The following RFPL4A variants were observed in gnomAD, a reference collection of about 807,000 sequenced individuals.
RFPL4A encodes ret finger protein-like 4A.
In RFPL4A, 4 loss-of-function variants were observed where a neutral mutation model predicts 8.3. The ratio of observed to expected loss-of-function variants is 0.48; its 90% CI spans 0.24 to 1.10. The LOEUF is 1.10. Among genes scored for constraint, RFPL4A ranks in the 50% least tolerant of loss-of-function variants. The pLI, the probability that RFPL4A is intolerant of heterozygous loss-of-function variation, is 0.18. For synonymous variants in RFPL4A, 43 were observed against 136.6 expected (o/e 0.31, Z 4.78); for missense variants, 111 against 358.7 (o/e 0.31, Z 5.58).
intron 2 of RFPL4A, among the ~76,000 whole-genome samples, chr19:55,762,306 A>T (rs1242066895): frequency 1.3e-5 from 2 of 150,698 alleles, no homozygotes; most frequent in Admixed American, 1.3e-4. Context: ...TCTTTCTTGT[A>T]TCATATGTGC....
At chr19:55,759,449 G>T (rs1404741604) in intron 1 of RFPL4A, among the ~76,000 whole-genome samples, 4 of 151,612 alleles carry the variant, frequency 2.6e-5, no homozygotes, top group Admixed American at 2.6e-4. Context: ...CGGTGGCTGC[G>T]TTACTCAACG....
intron 1 of RFPL4A, among the ~76,000 whole-genome samples, chr19:55,759,786 C>G (rs1341483810): frequency 6.6e-6 from 1 of 151,336 alleles, no homozygotes; most frequent in Non-Finnish European, 1.5e-5. Flanking sequence ...AACTCAGATT[C>G]CACATAACTG....
At position 55,763,162 on chromosome 19, in the gene RFPL4A, C is replaced by T. The variant is rs777066968; in HGVS notation, c.851C>T (p.Ser284Phe). Residue 284 changes from serine to phenylalanine, a missense_variant, in exon 3 of 3, where the codon TCT becomes TTT. Transcript: ENST00000434937. ...TCCGCTGCCAGTGCCCCAGTTTCTT[C>T]TGAGGGAAAGTAAATAAACATTTGA... Reference protein sequence around the residue: ...NPSAASAPVSSEGK With the variant: ...NPSAASAPVSFEGK The T allele has an allele frequency of 1.2e-5, 18 of 1,536,152 alleles. No homozygotes were observed. The South Asian group carries it at 2.0e-4, about 17-fold the overall frequency.
intron 1 of RFPL4A, among the ~76,000 whole-genome samples, chr19:55,759,676 G>A (rs1989243328): frequency 6.6e-6 from 1 of 151,594 alleles, no homozygotes; most frequent in Non-Finnish European, 1.5e-5. Context: ...CCTCTTCCAG[G>A]ATGGGGATTC....
intron 1 of RFPL4A, among the ~76,000 whole-genome samples, chr19:55,759,424 T>C (rs1351333004): frequency 3.3e-5 from 5 of 151,974 alleles, no homozygotes; most frequent in African/African-American, 1.2e-4. Context: ...CTTTCTGAAA[T>C]GATGGACAGA....
chr19:55,762,124 G>A, intron 2 of RFPL4A, 38 bp downstream of exon 2: 1 of 1,534,452 alleles, frequency 6.5e-7, no homozygotes, highest in Non-Finnish European at 8.8e-7. Context: ...CCCATAAAAG[G>A]CACTGGGAAA....
upstream of RFPL4A, among the ~76,000 whole-genome samples, chr19:55,757,479 G>C (rs961574099): frequency 1.3e-5 from 2 of 152,092 alleles, no homozygotes; most frequent in Non-Finnish European, 2.9e-5. Flanking sequence ...CTGCAGGGAC[G>C]GGGCATGGAG....
At position 55,763,202 on chromosome 19, in the gene RFPL4A, A is replaced by G. The variant is rs1330280495; in HGVS notation, c.*27A>G. 3 of 1,507,766 alleles carry G rather than the reference A, an allele frequency of 2.0e-6. No homozygotes were observed. The highest frequency in any genetic ancestry group is 2.4e-5 in the South Asian group (2 of 83,184). The allele number at this position is 1,507,766 out of a possible 1,614,324, so 93.4% of individuals were successfully genotyped here. On this transcript the variant is annotated 3_prime_UTR_variant, in exon 3 of 3. Transcript: ENST00000434937. Reference sequence around the variant, plus strand: ...TAAACATTTGAACATAATCATCTTTAGGAAGTTTCAGTGCTCCCATAGCCA... The same window carrying G: ...TAAACATTTGAACATAATCATCTTTGGGAAGTTTCAGTGCTCCCATAGCCA...
chr19:55,762,888 G>A lies in RFPL4A; in HGVS notation c.577G>A (p.Glu193Lys). The change falls in exon 3 of 3, where the codon GAA becomes AAA. Residue 193 changes from glutamate (E) to lysine (K), a missense_variant. Physicochemically the swap from Glu to Lys is moderately conservative, Grantham distance 56. Coordinates refer to ENST00000434937, the MANE Select transcript of RFPL4A (RefSeq NM_001145014.2). ...CGGCTTCTTGACTGTGGGTTGCAGA[G>A]AAGGAAAGGTCTTTGCTGCCAGCAC... The part of the protein sequence containing the change: ...EHGFLTVGCR[E>K]GKVFAASTVP... The A allele has an allele frequency of 1.3e-6, 2 of 1,543,948 alleles. No homozygotes were observed. Among genetic ancestry groups the A allele is most frequent in the East Asian group, 2.4e-5 (1 of 40,856 alleles).
intron 2 of RFPL4A, 38 bp downstream of exon 2, chr19:55,762,124 G>T: frequency 6.5e-7 from 1 of 1,534,452 alleles, no homozygotes; most frequent in Non-Finnish European, 8.8e-7. Context: ...CCCATAAAAG[G>T]CACTGGGAAA....
chr19:55,759,599 G>T (rs993240543), intron 1 of RFPL4A, among the ~76,000 whole-genome samples: 1 of 151,720 alleles, frequency 6.6e-6, no homozygotes, highest in Non-Finnish European at 1.5e-5. Flanking sequence ...AGAAAGGGAA[G>T]GAAATGAAAA....
intron 1 of RFPL4A, among the ~76,000 whole-genome samples, chr19:55,759,631 A>G (rs2122388778): frequency 6.6e-6 from 1 of 151,700 alleles, no homozygotes; most frequent in East Asian, 1.9e-4. Flanking sequence ...TTACATTACT[A>G]TTGCGGAAAA....
In RFPL4A at chr19:55,761,289, G is replaced by A. The variant is rs535564448; in HGVS notation, c.-9-503G>A. On this transcript the variant is annotated intron_variant, in intron 1 of 2. Transcript: ENST00000434937. ...ACCCATATATGTAATGGTAAATTCA[G>A]TTTCTGGTAGTCACATAAAATAGAA... Among the ~76,000 whole-genome samples the A allele has an allele frequency of 1.4e-4, 18 of 129,822 alleles. 2 individuals carry two copies. In the East Asian group the frequency reaches 3.8e-3, roughly 28 times the overall value. 85.2% of individuals were successfully genotyped at this position (129,822 alleles called of 152,430 possible). A position where few individuals can be genotyped will look rare whatever the true frequency, so the allele number is the denominator to read the frequency against.
In RFPL4A at chr19:55,762,860, A is replaced by G. The variant is rs1194226178; in HGVS notation, c.549A>G (p.Glu183=). 2 of 1,488,038 alleles carry G rather than the reference A, an allele frequency of 1.3e-6. No homozygotes were observed. Among genetic ancestry groups the G allele is most frequent in the Non-Finnish European group, 1.8e-6 (2 of 1,092,960 alleles). 92.2% of individuals were successfully genotyped at this position (1,488,038 alleles called of 1,614,324 possible). The change falls in exon 3 of 3, where the codon GAA becomes GAG. Residue 183 remains glutamate, a synonymous_variant. Transcript: ENST00000434937. ...NRQGKIVLSS[E]HGFLTVGCRE... The stretch of plus-strand genomic sequence containing the variant: ...AGGGGAAGATTGTGCTTTCTTCAGA[A>G]CACGGCTTCTTGACTGTGGGTTGCA...
Position 55,761,445 on chromosome 19 carries a change from G to T in RFPL4A, c.-9-347G>T, listed in dbSNP as rs761295162. 1.4e-4 allele frequency among the ~76,000 whole-genome samples: 19 copies of T among 138,202 alleles called. 2 individuals carry two copies. Among genetic ancestry groups the T allele is most frequent in the Non-Finnish European group, 2.6e-4 (16 of 61,402 alleles). 90.7% of individuals were successfully genotyped at this position (138,202 alleles called of 152,430 possible). On this transcript the variant is annotated intron_variant, in intron 1 of 2. Coordinates refer to ENST00000434937, the MANE Select transcript of RFPL4A (RefSeq NM_001145014.2). ...GTCTTCAAAAATAAGAGCGTATTTGGCTCACAGCACATCTCCATTCAGATA... is the reference window on the plus strand; with the variant it reads ...GTCTTCAAAAATAAGAGCGTATTTGTCTCACAGCACATCTCCATTCAGATA...
At chr19:55,758,566 C>T (rs1308915041), upstream of RFPL4A, among the ~76,000 whole-genome samples, 2 of 151,440 alleles carry the variant, frequency 1.3e-5, no homozygotes, top group South Asian at 2.1e-4. Context: ...CAAAGAAAAA[C>T]GGACTTTCAC....
At chr19:55,760,937 A>G (rs1210342303) in intron 1 of RFPL4A, among the ~76,000 whole-genome samples, 1 of 150,714 alleles carries the variant, frequency 6.6e-6, no homozygotes, top group Non-Finnish European at 1.5e-5. Flanking sequence ...AGAAATATCT[A>G]TTCAGGATTC....
chr19:55,757,501 C>T (rs1231481959), upstream of RFPL4A, among the ~76,000 whole-genome samples: 6 of 152,056 alleles, frequency 3.9e-5, no homozygotes, highest in East Asian at 1.2e-3. Flanking sequence ...ATACAGACCT[C>T]GCTGACTGGG....
rs186795274 is a variant in RFPL4A at position 55,760,346 on chromosome 19, G to A, written c.-10+1171G>A. On this transcript the variant is annotated intron_variant, in intron 1 of 2. Transcript: ENST00000434937. The stretch of plus-strand genomic sequence containing the variant: ...CAGTTTCCAGGTTCTGGATGCTGTC[G>A]GGAGAACGAATTCAGGGATGAGCCA... Among the ~76,000 whole-genome samples, 6 of 151,586 alleles carry A rather than the reference G, an allele frequency of 4.0e-5. 1 individual carries two copies. The highest frequency in any genetic ancestry group is 1.5e-4 in the African/African-American group (6 of 41,234).
Sources: allele counts gnomAD v4.1 joint callset (sites outside exome capture counted in the v4.1 genomes callset), GRCh38; gene constraint gnomAD v4.1.1; transcripts MANE v1.5; gene names NCBI Gene and HGNC (gene_info 2026-07-23, HGNC 2026-07-21).